Variants in GK5 observed in about 807,000 individuals in gnomAD.
GK5 encodes the protein ATP:glycerol 3-phosphotransferase 5.
Under a neutral mutation model 77.3 loss-of-function variants are expected in GK5, and 39 were observed. The ratio of observed to expected loss-of-function variants is 0.50; its 90% CI spans 0.39 to 0.66. The LOEUF (loss-of-function observed/expected upper bound fraction) is 0.66. Ranked by LOEUF, GK5 falls within the 30% of genes least tolerant of loss-of-function variation. GK5 has a pLI of 0.00. For synonymous variants in GK5, 211 were observed against 208.0 expected, an observed-to-expected ratio of 1.01 and a Z score of -0.13; for missense variants, 487 against 633.8, an observed-to-expected ratio of 0.77 and a Z score of 2.49.
At chr3:142,186,618 A>G (rs887410136) in intron 6 of GK5, 105 bp from the exon 7 acceptor site, 8 of 489,784 alleles carry the variant, frequency 1.6e-5, no homozygotes, top group Non-Finnish European at 2.5e-5. Context: ...TTCATTCCAA[A>G]ATGTGTATTT....
chr3:142,196,402 A>G (rs1225249235), intron 5 of GK5, among the ~76,000 whole-genome samples: 1 of 151,964 alleles, frequency 6.6e-6, no homozygotes, highest in African/African-American at 2.4e-5. Flanking sequence ...ATGGTAGACT[A>G]TTGACGTGAT....
intron 4 of GK5, chr3:142,204,467 G>A (rs1389558509): frequency 1.7e-6 from 1 of 574,010 alleles, no homozygotes; most frequent in Non-Finnish European, 3.2e-6. Context: ...TCACTAACAT[G>A]TGAAACTCTG....
At chr3:142,220,179 C>T (rs2064322215) in intron 1 of GK5, among the ~76,000 whole-genome samples, 1 of 152,140 alleles carries the variant, frequency 6.6e-6, no homozygotes, top group African/African-American at 2.4e-5. Context: ...GCTGTGTTGC[C>T]CAGGCTGGAG....
At chr3:142,170,229 C>T (rs541632570) in intron 15 of GK5, 96 bp downstream of exon 15, 20 of 1,302,060 alleles carry the variant, frequency 1.5e-5, no homozygotes, top group South Asian at 1.3e-4. Context: ...CCAAGGCTTT[C>T]CAGACTCTCT....
At chr3:142,170,194 A>C (rs774343757) in intron 15 of GK5, 131 bp downstream of exon 15, 35 of 904,524 alleles carry the variant, frequency 3.9e-5, no homozygotes, top group Non-Finnish European at 5.8e-5. Context: ...AGTAATATGC[A>C]TATGTGTATG....
In GK5 at chr3:142,161,939, A is replaced by G. The variant is rs1216702739; in HGVS notation, c.*3683T>C. On this transcript the variant is annotated 3_prime_UTR_variant, in exon 16 of 16. Coordinates refer to ENST00000392993, the MANE Select transcript of GK5 (RefSeq NM_001039547.3). ...CTCAGCCCCCTAATTAGCTGGGACT[A>G]TATGTGTGTGTCACCACACCCAGCT... The G allele has an allele frequency of 1.3e-5, 2 of 152,134 alleles. No homozygotes were observed. Among genetic ancestry groups the G allele is most frequent in the African/African-American group, 4.8e-5 (2 of 41,392 alleles). 9.4% of individuals were successfully genotyped at this position (152,134 alleles called of 1,614,324 possible). A position where few individuals can be genotyped will look rare whatever the true frequency, so the allele number is the denominator to read the frequency against.
At chr3:142,188,170 G>C (rs1577123327) in intron 5 of GK5, among the ~76,000 whole-genome samples, 1 of 152,148 alleles carries the variant, frequency 6.6e-6, no homozygotes, top group Non-Finnish European at 1.5e-5. Context: ...GCCGAAGCAG[G>C]TGGATCACCT....
chr3:142,214,508 C>G (rs1410409679), intron 2 of GK5, among the ~76,000 whole-genome samples: 1 of 152,094 alleles, frequency 6.6e-6, no homozygotes, highest in Non-Finnish European at 1.5e-5. Flanking sequence ...AACACATCAA[C>G]TCCCATATAG....
chr3:142,218,979 T>C (rs558939087), intron 1 of GK5, among the ~76,000 whole-genome samples: 1 of 152,186 alleles, frequency 6.6e-6, no homozygotes, highest in African/African-American at 2.4e-5. Flanking sequence ...ATTACAAATA[T>C]GTACATGAAG....
chr3:142,208,480 T>C (rs542637677), intron 3 of GK5, among the ~76,000 whole-genome samples: 34 of 152,218 alleles, frequency 2.2e-4, no homozygotes, highest in Non-Finnish European at 4.4e-4. Context: ...TGGTATTAGG[T>C]AAGGGTCCAA....
chr3:142,172,332 G>T, intron 13 of GK5, 21 bp downstream of exon 13: 2 of 1,238,968 alleles, frequency 1.6e-6, no homozygotes, highest in Non-Finnish European at 2.3e-6. Context: ...GGAAGGGGAA[G>T]TTTAGGGCAG....
At chr3:142,201,530 G>C (rs2064021813) in intron 4 of GK5, among the ~76,000 whole-genome samples, 1 of 152,158 alleles carries the variant, frequency 6.6e-6, no homozygotes, top group Non-Finnish European at 1.5e-5. Context: ...AGTTACAGAA[G>C]AACAACACAA....
At chr3:142,215,747 G>C in intron 1 of GK5, 55 bp from the exon 2 acceptor site, 1 of 738,728 alleles carries the variant, frequency 1.4e-6, no homozygotes, top group South Asian at 1.8e-5. Flanking sequence ...TCAATAGTAT[G>C]GGTCTTTGGG....
intron 9 of GK5, among the ~76,000 whole-genome samples, chr3:142,183,826 T>A (rs1309870661): frequency 2.0e-5 from 3 of 151,996 alleles, no homozygotes; most frequent in Non-Finnish European, 4.4e-5. Flanking sequence ...CTCAAACTCC[T>A]GGCCTAAAGC....
At position 142,200,098 on chromosome 3, in the gene GK5, TAC is replaced by T. The variant is rs202073717; in HGVS notation, c.412-1167_412-1166del. On this transcript the variant is annotated intron_variant, in intron 4 of 15. Coordinates refer to ENST00000392993, the MANE Select transcript of GK5 (RefSeq NM_001039547.3). The stretch of plus-strand genomic sequence containing the variant: ...CACCTTCTTTATTTCTATATATATA[TAC>T]ACACACACACACACACACACAAACA... Among the ~76,000 whole-genome samples the T allele has an allele frequency of 4.2e-3, 620 of 148,722 alleles. 7 individuals are homozygous for T. Among genetic ancestry groups the T allele is most frequent in the African/African-American group, 7.3e-3 (298 of 40,578 alleles).
chr3:142,170,313 TTTCACAC>T lies in GK5; in HGVS notation c.1441+5_1441+11del. On this transcript the variant is annotated splice_donor_5th_base_variant and intron_variant, in intron 15 of 15. Transcript: ENST00000392993. The stretch of plus-strand genomic sequence containing the variant: ...GCAAGAAAACTCTCATTCTTATAAA[TTTCACAC>T]ATACCAACAGCAAGGCCAGCTAGAG... The T allele has an allele frequency of 1.9e-6, 3 of 1,613,658 alleles. No homozygotes were observed. Among genetic ancestry groups the T allele is most frequent in the Non-Finnish European group, 2.5e-6 (3 of 1,179,656 alleles).
intron 4 of GK5, among the ~76,000 whole-genome samples, chr3:142,203,467 T>C (rs1174973861): frequency 1.3e-5 from 2 of 152,148 alleles, no homozygotes; most frequent in African/African-American, 2.4e-5. Context: ...CTGTGAGGCA[T>C]TATAAGTATT....
chr3:142,221,582 A>C (rs1171530067), intron 1 of GK5, among the ~76,000 whole-genome samples: 2 of 152,242 alleles, frequency 1.3e-5, no homozygotes, highest in Non-Finnish European at 2.9e-5. Context: ...AAGCATGTAC[A>C]TAGAGTACAC....
chr3:142,161,493 C>T lies in GK5; in HGVS notation c.*4129G>A, dbSNP rs947794026. 6.6e-6 allele frequency: 1 copy of T among 152,154 alleles called. No individual in the cohort carries two copies. Among genetic ancestry groups the T allele is most frequent in the Non-Finnish European group, 1.5e-5 (1 of 68,028 alleles). The allele number at this position is 152,154 out of a possible 1,614,324, so 9.4% of individuals were successfully genotyped here. A position where few individuals can be genotyped will look rare whatever the true frequency, so the allele number is the denominator to read the frequency against. On this transcript the variant is annotated 3_prime_UTR_variant, in exon 16 of 16. Transcript: ENST00000392993. The stretch of plus-strand genomic sequence containing the variant: ...ACGTGTACAAACAAAGTTGCACTAA[C>T]AAAGTAAAAATTTATCCCACATACA...
Sources: allele counts gnomAD v4.1 joint callset (sites outside exome capture counted in the v4.1 genomes callset), GRCh38; gene constraint gnomAD v4.1.1; transcripts MANE v1.5; gene names NCBI Gene and HGNC (gene_info 2026-07-23, HGNC 2026-07-21).